The following NCKAP5 variants were observed in gnomAD, a reference collection of about 807,000 sequenced individuals.
The protein encoded by NCKAP5 is nck-associated protein 5.
In NCKAP5, 92 loss-of-function variants were observed where a neutral mutation model predicts 167.0. That is an observed-to-expected ratio of 0.55 (90% CI 0.47 to 0.66). The LOEUF (loss-of-function observed/expected upper bound fraction) is 0.66, where lower values mean the gene tolerates loss of function less well. Ranked by LOEUF, NCKAP5 falls within the 30% of genes least tolerant of loss-of-function variation. The pLI is 0.00. For synonymous variants in NCKAP5, 891 were observed against 877.4 expected (o/e 1.02, Z -0.27); for missense variants, 2,378 against 2,315.0 (o/e 1.03, Z -0.56).
chr2:132,870,956 AT>A (rs988096136), intron 9 of NCKAP5, among the ~76,000 whole-genome samples: 2 of 151,978 alleles, frequency 1.3e-5, no homozygotes, highest in African/African-American at 2.4e-5. Flanking sequence ...CACAAGAAGG[AT>A]TTTTTTCCCA....
At chr2:133,672,794 T>C in the NCKAP5 span, among the ~76,000 whole-genome samples, 10,119 of 152,252 alleles carry the variant, frequency 0.066, 1,105 homozygotes, top group African/African-American at 0.23. Flanking sequence ...ACCCCTGTTC[T>C]AGGCCACAGG....
chr2:133,448,846 C>T (rs1181338958), intron 3 of NCKAP5, among the ~76,000 whole-genome samples: 4 of 152,048 alleles, frequency 2.6e-5, no homozygotes, highest in African/African-American at 9.7e-5. Context: ...CACCATGTTG[C>T]CCAGGCTGGT....
chr2:132,895,776 T>G (rs1693137076), intron 8 of NCKAP5, among the ~76,000 whole-genome samples: 1 of 146,418 alleles, frequency 6.8e-6, no homozygotes, highest in Non-Finnish European at 1.5e-5. Context: ...GTTGAGTGGC[T>G]TTCTTCAGGC....
chr2:132,795,128 G>A (rs549627440), intron 12 of NCKAP5, among the ~76,000 whole-genome samples: 1 of 152,258 alleles, frequency 6.6e-6, no homozygotes, highest in East Asian at 1.9e-4. Flanking sequence ...GGAAGACTGA[G>A]GCATTGAGGT....
At chr2:133,143,074 GACA>G (rs1232131356) in intron 5 of NCKAP5, among the ~76,000 whole-genome samples, 4 of 151,418 alleles carry the variant, frequency 2.6e-5, no homozygotes, top group Admixed American at 6.6e-5. Context: ...TTCTTCAGAA[GACA>G]ACAATATTAA....
intron 3 of NCKAP5, among the ~76,000 whole-genome samples, chr2:133,424,498 T>C (rs905152524): frequency 3.3e-5 from 5 of 152,234 alleles, no homozygotes; most frequent in Admixed American, 1.3e-4. Flanking sequence ...TAGCTATCAT[T>C]TGTAGCCAGG....
rs150097611 is a variant in NCKAP5, at chr2:133,545,611, C to G, written c.-62+13439G>C. 2.3e-3 allele frequency among the ~76,000 whole-genome samples: 350 copies of G among 152,228 alleles called. 1 individual carries two copies. Among genetic ancestry groups the G allele is most frequent in the Non-Finnish European group, 2.8e-3 (188 of 68,032 alleles). ...ACCTCAGTGGTTACCGCACCTAGCA[C>G]CCACTACTAGATCTAACAATCTACC... On this transcript the variant is annotated intron_variant, in intron 2 of 19. Coordinates refer to ENST00000409261, the MANE Select transcript of NCKAP5 (RefSeq NM_207363.3).
intron 3 of NCKAP5, among the ~76,000 whole-genome samples, chr2:133,412,806 T>TA (rs1432818587): frequency 6.6e-6 from 1 of 152,240 alleles, no homozygotes; most frequent in Non-Finnish European, 1.5e-5. Context: ...AATATTTATT[T>TA]AAAAAACCTC....
At chr2:132,733,463 A>G (rs1474133005) in intron 16 of NCKAP5, among the ~76,000 whole-genome samples, 1 of 152,194 alleles carries the variant, frequency 6.6e-6, no homozygotes, top group African/African-American at 2.4e-5. Context: ...CCTGTGCAAG[A>G]GCTTTAGCCT....
At chr2:133,212,195 G>A (rs1267802081) in intron 5 of NCKAP5, among the ~76,000 whole-genome samples, 1 of 152,158 alleles carries the variant, frequency 6.6e-6, no homozygotes, top group African/African-American at 2.4e-5. Flanking sequence ...CGTCGCTGAC[G>A]AAGTGGTGAG....
At chr2:133,503,418 T>C (rs185450254) in intron 3 of NCKAP5, among the ~76,000 whole-genome samples, 132 of 152,308 alleles carry the variant, frequency 8.7e-4, no homozygotes, top group East Asian at 3.5e-3. Flanking sequence ...AAACAGAGGC[T>C]CAGAAGAGGT....
At chr2:132,698,976 C>T (rs539745761) in intron 19 of NCKAP5, among the ~76,000 whole-genome samples, 7 of 152,330 alleles carry the variant, frequency 4.6e-5, no homozygotes, top group African/African-American at 1.4e-4. Flanking sequence ...CACACTCAAG[C>T]TTCAGAATCA....
intron 19 of NCKAP5, among the ~76,000 whole-genome samples, chr2:132,707,147 A>G (rs1214310892): frequency 3.3e-5 from 5 of 152,228 alleles, no homozygotes; most frequent in African/African-American, 9.6e-5. Flanking sequence ...TGAATCACCA[A>G]CACCACTCCT....
chr2:133,225,414 G>T (rs1004261259), intron 4 of NCKAP5, among the ~76,000 whole-genome samples: 2 of 152,156 alleles, frequency 1.3e-5, no homozygotes, highest in African/African-American at 4.8e-5. Flanking sequence ...CCCCAACATA[G>T]TATCTGTGAG....
At chr2:133,514,514 T>C (rs1683813968) in intron 3 of NCKAP5, among the ~76,000 whole-genome samples, 1 of 152,180 alleles carries the variant, frequency 6.6e-6, no homozygotes, top group Non-Finnish European at 1.5e-5. Flanking sequence ...GAGCTATAAT[T>C]TCTACTCAAC....
chr2:132,764,192 A>T (rs1220412476), intron 16 of NCKAP5, among the ~76,000 whole-genome samples: 2 of 152,250 alleles, frequency 1.3e-5, no homozygotes, highest in Non-Finnish European at 2.9e-5. Flanking sequence ...GCAAGCTGAC[A>T]GTAAAACCAG....
intron 6 of NCKAP5, among the ~76,000 whole-genome samples, chr2:133,096,248 T>C (rs760612574): frequency 2.5e-4 from 38 of 152,270 alleles, no homozygotes; most frequent in Non-Finnish European, 5.0e-4. Flanking sequence ...CCCAGCACTT[T>C]GGGAGGCCAA....
At chr2:132,748,628 A>G (rs538722959) in intron 16 of NCKAP5, among the ~76,000 whole-genome samples, 1 of 152,304 alleles carries the variant, frequency 6.6e-6, no homozygotes, top group East Asian at 1.9e-4. Context: ...GCTCTGCAAC[A>G]ACTATACCCG....
intron 6 of NCKAP5, among the ~76,000 whole-genome samples, chr2:133,120,137 G>A (rs2149755254): frequency 6.6e-6 from 1 of 152,150 alleles, no homozygotes; most frequent in East Asian, 1.9e-4. Context: ...CAAATGACAG[G>A]TGAAAACCTT....
Sources: allele counts gnomAD v4.1 joint callset (sites outside exome capture counted in the v4.1 genomes callset), GRCh38; gene constraint gnomAD v4.1.1; transcripts MANE v1.5; gene names NCBI Gene and HGNC (gene_info 2026-07-23, HGNC 2026-07-21).